The following KIRREL3 variants were observed in gnomAD, a reference collection of about 807,000 sequenced individuals.
The protein encoded by KIRREL3 is kirre like nephrin family adhesion molecule 3.
A neutral mutation model predicts 89.7 loss-of-function variants in KIRREL3; 36 were observed. The ratio of observed to expected loss-of-function variants is 0.40; its 90% CI spans 0.31 to 0.53. KIRREL3 has a LOEUF of 0.53. Among genes scored for constraint, KIRREL3 ranks in the 20% least tolerant of loss-of-function variants. The probability of loss-of-function intolerance (pLI) is 0.49; values close to 1 mark genes in which losing one functional copy is unlikely to be tolerated. For synonymous variants in KIRREL3, 445 were observed against 441.4 expected (o/e 1.01, Z -0.10); for missense variants, 864 against 1,056.6 (o/e 0.82, Z 2.53).
In KIRREL3 at chr11:126,429,619, C is replaced by T. The variant is rs1225129720; in HGVS notation, c.1697-331G>A. ...CATCCTACTGAATTCTCACTTCCTTCTAGAAGTCTTCTCTGACCTGCTCTA... is the reference window on the plus strand; with the variant it reads ...CATCCTACTGAATTCTCACTTCCTTTTAGAAGTCTTCTCTGACCTGCTCTA... On this transcript the variant is annotated intron_variant, in intron 14 of 16. Transcript: ENST00000525144. This position sits in a 1 kb window ranked among gnomAD's most constrained non-coding sequence, Gnocchi z 5.2. Among the ~76,000 whole-genome samples the T allele has an allele frequency of 6.6e-6, 1 of 152,246 alleles. No homozygotes were observed. The highest frequency in any genetic ancestry group is 6.5e-5 in the Admixed American group (1 of 15,286).
At chr11:126,756,977 C>T (rs1315127029) in intron 1 of KIRREL3, among the ~76,000 whole-genome samples, 3 of 152,186 alleles carry the variant, frequency 2.0e-5, no homozygotes, top group Non-Finnish European at 4.4e-5. Context: ...ACTCAGGGGT[C>T]TGTCTTCCAA....
At chr11:126,889,872 A>C (rs1046179494) in intron 1 of KIRREL3, among the ~76,000 whole-genome samples, 1 of 152,232 alleles carries the variant, frequency 6.6e-6, no homozygotes, top group Admixed American at 6.5e-5. Flanking sequence ...TTCATAAAAA[A>C]TATCTCCGTG....
intron 1 of KIRREL3, among the ~76,000 whole-genome samples, chr11:126,998,562 C>T (rs571965385): frequency 3.3e-5 from 5 of 152,094 alleles, no homozygotes; most frequent in South Asian, 2.1e-4. Flanking sequence ...TCTCAGGACT[C>T]GGGGTAGATA....
chr11:126,722,151 C>T (rs1948199615), intron 1 of KIRREL3, among the ~76,000 whole-genome samples: 1 of 152,244 alleles, frequency 6.6e-6, no homozygotes, highest in African/African-American at 2.4e-5. Flanking sequence ...CACTTCTCTC[C>T]TCCATCCCAA....
chr11:126,634,865 G>A (rs913888851), intron 1 of KIRREL3, among the ~76,000 whole-genome samples: 5 of 152,158 alleles, frequency 3.3e-5, no homozygotes, highest in African/African-American at 1.2e-4. Flanking sequence ...TTTCCACTAA[G>A]CCTCACTGCC....
rs1012805010 is a variant in KIRREL3 at position 126,999,827 on chromosome 11, A to G, written c.55+628T>C. Among the ~76,000 whole-genome samples the G allele has an allele frequency of 2.6e-5, 4 of 152,198 alleles. No homozygotes were observed. The highest frequency in any genetic ancestry group is 1.9e-4 in the East Asian group (1 of 5,194). ...AGCACCACGGGCGAAATTTCATTTT[A>G]TACCCTGAATTCAGTGCTGTGTAGG... On this transcript the variant is annotated intron_variant, in intron 1 of 16. Coordinates refer to ENST00000525144, the MANE Select transcript of KIRREL3 (RefSeq NM_032531.4). This position sits in a 1 kb window ranked among gnomAD's most constrained non-coding sequence, Gnocchi z 5.7.
At chr11:126,758,336 C>T (rs1241107954) in intron 1 of KIRREL3, among the ~76,000 whole-genome samples, 1 of 152,258 alleles carries the variant, frequency 6.6e-6, no homozygotes, top group South Asian at 2.1e-4. Flanking sequence ...ATTTTTCATT[C>T]TATTTTTGTT....
chr11:126,691,310 C>T (rs144466010), intron 1 of KIRREL3, among the ~76,000 whole-genome samples: 50 of 152,292 alleles, frequency 3.3e-4, no homozygotes, highest in African/African-American at 1.2e-3. Context: ...CTCTCTCTCA[C>T]GTATACCAGC....
chr11:126,500,565 C>A (rs1440107985), intron 4 of KIRREL3, among the ~76,000 whole-genome samples: 1 of 152,022 alleles, frequency 6.6e-6, no homozygotes, highest in African/African-American at 2.4e-5. Flanking sequence ...CATGGTGAAA[C>A]CCCGTCTCTA....
In KIRREL3 at chr11:126,669,812, T is replaced by A. The variant is rs1945854158; in HGVS notation, c.56-106900A>T. Among the ~76,000 whole-genome samples, 1 of 152,208 alleles carries A rather than the reference T, an allele frequency of 6.6e-6. No homozygotes were observed. The highest frequency in any genetic ancestry group is 2.4e-5 in the African/African-American group (1 of 41,454). ...CTTGACCTATCCCTTGGGCTAAAGATTTGTAGAGTCAACTGTCTTCCTAAA... is the reference window on the plus strand; with the variant it reads ...CTTGACCTATCCCTTGGGCTAAAGAATTGTAGAGTCAACTGTCTTCCTAAA... On this transcript the variant is annotated intron_variant, in intron 1 of 16. Transcript: ENST00000525144. The surrounding 1 kb of genome is among the most constrained non-coding windows in gnomAD (Gnocchi z 5.0).
In KIRREL3 at chr11:126,525,916, C is replaced by T. The variant is rs1362350868; in HGVS notation, c.283+622G>A. On this transcript the variant is annotated intron_variant, in intron 3 of 16. Transcript: ENST00000525144. The surrounding 1 kb of genome is among the most constrained non-coding windows in gnomAD (Gnocchi z 5.4). Reference sequence around the variant, plus strand: ...CAAATGATCTGTTGTCAGCACTGGCCAGTGAGTTCACGTGTCAGCCATCAA... The same window carrying T: ...CAAATGATCTGTTGTCAGCACTGGCTAGTGAGTTCACGTGTCAGCCATCAA... Among the ~76,000 whole-genome samples, 1 of 152,202 alleles carries T rather than the reference C, an allele frequency of 6.6e-6. No individual in the cohort carries two copies.
chr11:126,813,770 C>CA (rs138822412), intron 1 of KIRREL3, among the ~76,000 whole-genome samples: 7,157 of 129,374 alleles, frequency 0.055, 205 homozygotes, highest in African/African-American at 0.1. Flanking sequence ...GAAACAAAGG[C>CA]AAAAAAAAAA....
intron 1 of KIRREL3, among the ~76,000 whole-genome samples, chr11:126,794,948 GGACAA>G (rs1950758979): frequency 6.6e-6 from 1 of 152,188 alleles, no homozygotes. Context: ...AAAAATACAT[GGACAA>G]CTTAAATGCA....
intron 4 of KIRREL3, 120 bp from the exon 5 acceptor site, chr11:126,473,586 G>C (rs548167968): frequency 6.2e-6 from 5 of 805,734 alleles, no homozygotes; most frequent in Non-Finnish European, 9.4e-6. Context: ...TTAATAAAAC[G>C]CATCGTCCGC....
rs1378982537 is a variant in KIRREL3, at chr11:126,983,413, A to G, written c.55+17042T>C. ...AGAATAATGGCCGCCAAAGATGCCCATGTCCTAATCCCTTTACAGGACAAA... is the reference window on the plus strand; with the variant it reads ...AGAATAATGGCCGCCAAAGATGCCCGTGTCCTAATCCCTTTACAGGACAAA... On this transcript the variant is annotated intron_variant, in intron 1 of 16. Coordinates refer to ENST00000525144, the MANE Select transcript of KIRREL3 (RefSeq NM_032531.4). The surrounding 1 kb of genome is among the most constrained non-coding windows in gnomAD (Gnocchi z 4.9). Among the ~76,000 whole-genome samples the G allele has an allele frequency of 2.6e-5, 4 of 152,212 alleles. No homozygotes were observed. The East Asian group carries it at 7.7e-4, about 29-fold the overall frequency.
At chr11:126,866,649 G>GC (rs144235119) in intron 1 of KIRREL3, among the ~76,000 whole-genome samples, 16,943 of 150,086 alleles carry the variant, frequency 0.11, 1,140 homozygotes, top group Non-Finnish European at 0.16. Flanking sequence ...CCTCCTCACT[G>GC]CCCCCCCACA....
intron 1 of KIRREL3, among the ~76,000 whole-genome samples, chr11:126,960,719 A>T (rs926792613): frequency 1.3e-5 from 2 of 152,080 alleles, no homozygotes; most frequent in Non-Finnish European, 2.9e-5. Context: ...TTTTCTTTCA[A>T]CTATTTATCA....
chr11:126,458,568 G>T (rs1327562361), intron 6 of KIRREL3, among the ~76,000 whole-genome samples: 3 of 152,196 alleles, frequency 2.0e-5, no homozygotes, highest in Non-Finnish European at 4.4e-5. Context: ...CTGAGAGATG[G>T]CCCCAGGGCT....
rs1957324279 is a variant in KIRREL3 at position 126,485,176 on chromosome 11, G to GGGA, written c.434-11711_434-11710insTCC. On this transcript the variant is annotated intron_variant, in intron 4 of 16. Coordinates refer to ENST00000525144, the MANE Select transcript of KIRREL3 (RefSeq NM_032531.4). This position sits in a 1 kb window ranked among gnomAD's most constrained non-coding sequence, Gnocchi z 5.8. Reference sequence around the variant, plus strand: ...ATATATTTGGCAGCACAATCGCACAGACGTGTCTCCAAGGAGGTTGGGGAC... The same window carrying GGGA: ...ATATATTTGGCAGCACAATCGCACAGGGAACGTGTCTCCAAGGAGGTTGGGGAC... Among the ~76,000 whole-genome samples the GGGA allele has an allele frequency of 6.6e-6, 1 of 152,192 alleles. No individual in the cohort carries two copies. The highest frequency in any genetic ancestry group is 6.5e-5 in the Admixed American group (1 of 15,282).
Sources: gnomAD v4.1 joint callset for allele counts (sites outside exome capture counted in the v4.1 genomes callset) on GRCh38, gnomAD v4.1.1 for gene constraint, Gnocchi (gnomAD v3.1) non-coding constraint, MANE v1.5 for transcripts, NCBI Gene and HGNC (gene_info 2026-07-23, HGNC 2026-07-21) for gene names.